The following ITSN1 variants were observed in gnomAD, a reference collection of about 807,000 sequenced individuals.
The protein encoded by ITSN1 is intersectin 1, also known as intersectin-1.
In ITSN1, 58 loss-of-function variants were observed where a neutral mutation model predicts 239.8. The ratio of observed to expected loss-of-function variants is 0.24; its 90% CI spans 0.20 to 0.30. ITSN1 has a LOEUF of 0.30. ITSN1 is among the 10% of genes least tolerant of loss of function. ITSN1 has a pLI of 1.00. For synonymous variants in ITSN1, 780 were observed against 770.8 expected, an observed-to-expected ratio of 1.01 and a Z score of -0.20; for missense variants, 1,558 against 2,103.3, an observed-to-expected ratio of 0.74 and a Z score of 5.07.
chr21:33,696,906 A>C (rs1217952556), intron 1 of ITSN1, among the ~76,000 whole-genome samples: 1 of 152,178 alleles, frequency 6.6e-6, no homozygotes, highest in Non-Finnish European at 1.5e-5. Flanking sequence ...TTAAATACCC[A>C]GAGATAAAGG....
intron 1 of ITSN1, among the ~76,000 whole-genome samples, chr21:33,709,082 C>A (rs539086412): frequency 6.6e-6 from 1 of 152,214 alleles, no homozygotes; most frequent in African/African-American, 2.4e-5. Context: ...CAGGGTAAAT[C>A]TTTCAACTTT....
intron 5 of ITSN1, 136 bp downstream of exon 5, chr21:33,735,340 C>A: frequency 1.1e-6 from 1 of 878,102 alleles, no homozygotes; most frequent in Non-Finnish European, 1.9e-6. Flanking sequence ...TGGCCCCCTG[C>A]AGGAAGATAG....
chr21:33,759,239 G>A lies in ITSN1; in HGVS notation c.725-2684G>A, dbSNP rs550787439. On this transcript the variant is annotated intron_variant, in intron 8 of 39. Coordinates refer to ENST00000381318, the MANE Select transcript of ITSN1 (RefSeq NM_003024.3). ...AACTTTGCTTACCAAAACAGGCAGT[G>A]GGCCAGATCTGGCCTAAGGGCTATA... Among the ~76,000 whole-genome samples the A allele has an allele frequency of 5.1e-4, 77 of 152,294 alleles. No homozygotes were observed. The Middle Eastern group carries it at 0.014, about 27-fold the overall frequency.
chr21:33,727,545 C>T (rs1295415075), intron 4 of ITSN1, among the ~76,000 whole-genome samples: 1 of 150,158 alleles, frequency 6.7e-6, no homozygotes, highest in East Asian at 2.0e-4. Flanking sequence ...TTTCTTAAGA[C>T]ACTCCTGAGT....
At chr21:33,769,904 C>G (rs1382873021) in intron 11 of ITSN1, among the ~76,000 whole-genome samples, 1 of 151,512 alleles carries the variant, frequency 6.6e-6, no homozygotes, top group Non-Finnish European at 1.5e-5. Flanking sequence ...CCATGTTGGT[C>G]AGGCTGGTCT....
intron 25 of ITSN1, among the ~76,000 whole-genome samples, chr21:33,826,390 C>T (rs531509149): frequency 1.3e-5 from 2 of 152,088 alleles, no homozygotes; most frequent in East Asian, 3.8e-4. Context: ...GTGTTAAAAC[C>T]GGGTAGTAGG....
rs2071633095 is a variant in ITSN1 at position 33,797,262 on chromosome 21, A to G, written c.1953-117A>G. ...ATTCAGTTGCCCCATCTGAACAACAATGTTCCCTTGATGTTCCCATCCCAT... is the reference window on the plus strand; with the variant it reads ...ATTCAGTTGCCCCATCTGAACAACAGTGTTCCCTTGATGTTCCCATCCCAT... On this transcript the variant is annotated intron_variant, in intron 17 of 39. Coordinates refer to ENST00000381318, the MANE Select transcript of ITSN1 (RefSeq NM_003024.3). The surrounding 1 kb of genome is among the most constrained non-coding windows in gnomAD (Gnocchi z 4.9). The G allele has an allele frequency of 2.6e-6, 2 of 783,148 alleles. No individual in the cohort carries two copies. The highest frequency in any genetic ancestry group is 4.3e-6 in the Non-Finnish European group (2 of 463,524). 48.5% of individuals were successfully genotyped at this position (783,148 alleles called of 1,614,324 possible).
At position 33,888,269 on chromosome 21, in the gene ITSN1, G is replaced by T; in HGVS notation, c.5135G>T (p.Arg1712Leu). The change falls in exon 40 of 40, where the codon CGC (arginine) becomes CTC (leucine). Residue 1712 changes from arginine (R) to leucine (L), a missense_variant. Coordinates refer to ENST00000381318, the MANE Select transcript of ITSN1 (RefSeq NM_003024.3). Reference sequence around the variant, plus strand: ...GTCCCCACGGGAGAGATTGTGGTCCGCTTGGACCTGCAGTTGTTTGATGAG... The same window carrying T: ...GTCCCCACGGGAGAGATTGTGGTCCTCTTGGACCTGCAGTTGTTTGATGAG... The part of the protein sequence containing the change: ...HEVPTGEIVV[R>L]LDLQLFDEP 1.2e-6 allele frequency: 2 copies of T among 1,613,846 alleles called. No individual in the cohort carries two copies. The highest frequency in any genetic ancestry group is 1.7e-6 in the Non-Finnish European group (2 of 1,179,882).
intron 31 of ITSN1, among the ~76,000 whole-genome samples, chr21:33,864,649 A>T (rs1271433145): frequency 6.6e-6 from 1 of 152,238 alleles, no homozygotes; most frequent in Non-Finnish European, 1.5e-5. Context: ...TCAAACAGTC[A>T]TTTATACCTG....
chr21:33,825,485 C>T (rs989072196), intron 25 of ITSN1, among the ~76,000 whole-genome samples: 3 of 152,206 alleles, frequency 2.0e-5, no homozygotes, highest in African/African-American at 7.2e-5. Context: ...TGCTTCCCTT[C>T]TCTGTATGGG....
Position 33,711,552 on chromosome 21 carries a change from T to G in ITSN1, c.-32-7245T>G, listed in dbSNP as rs571444556. On this transcript the variant is annotated intron_variant, in intron 1 of 39. Coordinates refer to ENST00000381318, the MANE Select transcript of ITSN1 (RefSeq NM_003024.3). ...TTTTGTTTGTCCTTTCTGTTTTTTT[T>G]TCTTTCTTTCTTCTGTTTCTTTTTT... 3.3e-5 allele frequency among the ~76,000 whole-genome samples: 5 copies of G among 152,198 alleles called. No individual in the cohort carries two copies. In the East Asian group the frequency reaches 5.8e-4, roughly 18 times the overall value.
In ITSN1 at chr21:33,883,584, C is replaced by T; in HGVS notation, c.4589C>T (p.Pro1530Leu). 1 of 1,613,810 alleles carries T rather than the reference C, an allele frequency of 6.2e-7. No homozygotes were observed. The highest frequency in any genetic ancestry group is 1.7e-5 in the Admixed American group (1 of 60,004). Reference protein sequence around the residue: ...IFLNEVLVKLPTDPSGDEPIF... With the variant: ...IFLNEVLVKLLTDPSGDEPIF... ...CTAAATGAGGTTCTAGTAAAATTAC[C>T]CACCGACCCTTCTGGAGACGAGCCC... Residue 1530 changes from proline (P) to leucine (L), a missense_variant, in exon 36 of 40, where the codon CCC (proline) becomes CTC (leucine). Physicochemically the swap from Pro to Leu is moderately conservative, Grantham distance 98. Around this residue, in one of 2 missense-constraint regions of ITSN1, gnomAD observed 576 missense variants for 893.3 expected, o/e 0.64. Coordinates refer to ENST00000381318, the MANE Select transcript of ITSN1 (RefSeq NM_003024.3).
intron 8 of ITSN1, among the ~76,000 whole-genome samples, chr21:33,760,624 C>A (rs899563867): frequency 6.6e-6 from 1 of 152,206 alleles, no homozygotes; most frequent in Non-Finnish European, 1.5e-5. Context: ...CCCAGTCACT[C>A]AGCAAAGTCT....
At chr21:33,672,189 G>C (rs2090329308) in intron 1 of ITSN1, among the ~76,000 whole-genome samples, 1 of 151,878 alleles carries the variant, frequency 6.6e-6, no homozygotes, top group Non-Finnish European at 1.5e-5. Context: ...GTTACGGTGA[G>C]CTGGGCAACA....
intron 1 of ITSN1, among the ~76,000 whole-genome samples, chr21:33,692,293 G>A (rs749857704): frequency 8.5e-5 from 13 of 152,130 alleles, no homozygotes; most frequent in Non-Finnish European, 1.8e-4. Flanking sequence ...AACTCACGAG[G>A]TCCGTACCAG....
chr21:33,784,731 T>G (rs550735126), intron 16 of ITSN1, among the ~76,000 whole-genome samples: 33 of 152,358 alleles, frequency 2.2e-4, no homozygotes, highest in Middle Eastern at 3.4e-3. Flanking sequence ...TTTAGTCTCT[T>G]AAGTGTCACT....
At chr21:33,663,426 T>G (rs1237407116) in intron 1 of ITSN1, among the ~76,000 whole-genome samples, 1 of 152,254 alleles carries the variant, frequency 6.6e-6, no homozygotes, top group African/African-American at 2.4e-5. Flanking sequence ...TAACCTTTTA[T>G]GATTGCAGTC....
chr21:33,892,600 T>C lies in ITSN1; in HGVS notation c.*4300T>C, dbSNP rs1646050661. 1 of 152,104 alleles carries C rather than the reference T, an allele frequency of 6.6e-6. No individual in the cohort carries two copies. Among genetic ancestry groups the C allele is most frequent in the Admixed American group, 6.5e-5 (1 of 15,274 alleles). The allele number at this position is 152,104 out of a possible 1,614,324, so 9.4% of individuals were successfully genotyped here. On this transcript the variant is annotated 3_prime_UTR_variant, in exon 40 of 40. Coordinates refer to ENST00000381318, the MANE Select transcript of ITSN1 (RefSeq NM_003024.3). ...CGGATCTCAGGGACAGAAACAGGCT[T>C]GTATTAAGTATGAGTGGCAGGTACT...
chr21:33,746,097 C>A lies in ITSN1; in HGVS notation c.347-4046C>A, dbSNP rs532013109. Among the ~76,000 whole-genome samples the A allele has an allele frequency of 2.6e-5, 4 of 152,234 alleles. No homozygotes were observed. In the East Asian group the frequency reaches 7.7e-4, roughly 29 times the overall value. ...CAGGTGCAATCCGTAAAAAGCCAGG[C>A]TTAAAGATAAAAACGAATTTTTTAA... On this transcript the variant is annotated intron_variant, in intron 5 of 39. Coordinates refer to ENST00000381318, the MANE Select transcript of ITSN1 (RefSeq NM_003024.3).
Sources: gnomAD v4.1 joint callset for allele counts (sites outside exome capture counted in the v4.1 genomes callset) on GRCh38, gnomAD v4.1.1 for gene constraint, gnomAD v4.1.1 regional missense constraint, Gnocchi (gnomAD v3.1) non-coding constraint, MANE v1.5 for transcripts, NCBI Gene and HGNC (gene_info 2026-07-23, HGNC 2026-07-21) for gene names.